Variants in SLC15A5 observed in about 807,000 individuals in gnomAD.
SLC15A5 encodes the protein solute carrier family 15 member 5.
SLC15A5 carries 58 observed loss-of-function variants against 56.1 expected under a neutral mutation model. The ratio of observed to expected loss-of-function variants is 1.03; its 90% CI spans 0.84 to 1.29. The LOEUF (loss-of-function observed/expected upper bound fraction) is 1.29, where lower values mean the gene tolerates loss of function less well. SLC15A5 is among the 50% of genes most tolerant of loss of function. The pLI, the probability that SLC15A5 is intolerant of heterozygous loss-of-function variation, is 0.00. For synonymous variants in SLC15A5, 264 were observed against 250.5 expected, an observed-to-expected ratio of 1.05 and a Z score of -0.51; for missense variants, 681 against 672.1, an observed-to-expected ratio of 1.01 and a Z score of -0.15.
chr12:16,205,052 C>T (rs929208450), intron 7 of SLC15A5, among the ~76,000 whole-genome samples: 1 of 151,826 alleles, frequency 6.6e-6, no homozygotes, highest in Non-Finnish European at 1.5e-5. Context: ...TCACAATATT[C>T]TTAAAGTATC....
chr12:16,218,795 A>G (rs1311800106), intron 6 of SLC15A5, among the ~76,000 whole-genome samples: 1 of 152,172 alleles, frequency 6.6e-6, no homozygotes, highest in Admixed American at 6.5e-5. Context: ...ATGAGAAGTA[A>G]GAGATCTTAT....
intron 6 of SLC15A5, among the ~76,000 whole-genome samples, chr12:16,221,714 G>T (rs933905772): frequency 6.6e-6 from 1 of 152,202 alleles, no homozygotes; most frequent in Non-Finnish European, 1.5e-5. Flanking sequence ...GGACTCATGG[G>T]GCAGGAGAGG....
At chr12:16,199,613 C>T (rs1592107384) in intron 7 of SLC15A5, among the ~76,000 whole-genome samples, 1 of 152,048 alleles carries the variant, frequency 6.6e-6, no homozygotes, top group East Asian at 1.9e-4. Flanking sequence ...CATGGAATCA[C>T]AGGACAAGAA....
At chr12:16,263,398 G>A (rs61916970) in intron 2 of SLC15A5, among the ~76,000 whole-genome samples, 26,633 of 152,052 alleles carry the variant, frequency 0.18, 2,618 homozygotes, top group Non-Finnish European at 0.22. Context: ...GCATTCAAGC[G>A]GTGACTTGGG....
intron 8 of SLC15A5, among the ~76,000 whole-genome samples, chr12:16,193,227 A>G (rs900667314): frequency 6.6e-6 from 1 of 152,098 alleles, no homozygotes; most frequent in African/African-American, 2.4e-5. Context: ...TAAGAATGAG[A>G]TCAGCATTTA....
At position 16,239,864 on chromosome 12, in the gene SLC15A5, G is replaced by A; in HGVS notation, c.979C>T (p.Pro327Ser). ...LLYRMCIMQI[P>S]SGYYLQTMNS... is the part of the protein sequence containing the mutation. ...ATAGTTTGCAGATAATATCCTGAAG[G>A]AATCTGTATTCGAGAGGGAAACATC... Residue 327 changes from proline to serine, a missense_variant, in exon 5 of 9, where the codon CCT becomes TCT. Coordinates refer to ENST00000344941, the MANE Select transcript of SLC15A5 (RefSeq NM_001170798.1). 7 of 1,536,380 alleles carry A rather than the reference G, an allele frequency of 4.6e-6. No homozygotes were observed. The highest frequency in any genetic ancestry group is 5.2e-6 in the Non-Finnish European group (6 of 1,146,478).
intron 2 of SLC15A5, among the ~76,000 whole-genome samples, chr12:16,260,994 TA>T (rs1864638151): frequency 6.6e-6 from 1 of 152,184 alleles, no homozygotes. Context: ...TCTGTTCCAC[TA>T]ATCTATCCTT....
chr12:16,230,922 C>CA (rs35415868), intron 5 of SLC15A5, among the ~76,000 whole-genome samples: 79,963 of 145,746 alleles, frequency 0.55, 21,544 homozygotes, highest in South Asian at 0.74. Context: ...GACTCCGTCT[C>CA]AAAAAAAAAA....
chr12:16,218,790 A>T (rs1221876205), intron 6 of SLC15A5, among the ~76,000 whole-genome samples: 1 of 152,142 alleles, frequency 6.6e-6, no homozygotes, highest in African/African-American at 2.4e-5. Context: ...TCTCTATGAG[A>T]AGTAAGAGAT....
At chr12:16,216,456 A>G (rs556647922) in intron 7 of SLC15A5, among the ~76,000 whole-genome samples, 2 of 152,192 alleles carry the variant, frequency 1.3e-5, no homozygotes, top group Non-Finnish European at 2.9e-5. Flanking sequence ...ATCATTTATT[A>G]TTCAATTCAC....
intron 7 of SLC15A5, among the ~76,000 whole-genome samples, chr12:16,208,676 C>T (rs939004872): frequency 1.3e-5 from 2 of 152,004 alleles, no homozygotes; most frequent in African/African-American, 2.4e-5. Flanking sequence ...CTAAAAAACC[C>T]CCCAAAATAA....
At chr12:16,262,304 T>A (rs1398440326) in intron 2 of SLC15A5, among the ~76,000 whole-genome samples, 1 of 152,194 alleles carries the variant, frequency 6.6e-6, no homozygotes, top group Non-Finnish European at 1.5e-5. Context: ...GAAATTACCT[T>A]TCATTCCTCT....
At chr12:16,204,402 C>T (rs1863992856) in intron 7 of SLC15A5, among the ~76,000 whole-genome samples, 1 of 149,710 alleles carries the variant, frequency 6.7e-6, no homozygotes, top group African/African-American at 2.5e-5. Context: ...GGTTGCAGCA[C>T]TCCAACCTAG....
At position 16,189,548 on chromosome 12, in the gene SLC15A5, T is replaced by C; in HGVS notation, c.*120A>G. 1.3e-6 allele frequency: 1 copy of C among 783,474 alleles called. No individual in the cohort carries two copies. Among genetic ancestry groups the C allele is most frequent in the Non-Finnish European group, 1.8e-6 (1 of 569,100 alleles). 48.5% of individuals were successfully genotyped at this position (783,474 alleles called of 1,614,324 possible). ...AGTCTTTGTAAATAAAGTATACAGA[T>C]GATATTTGTAAAATCACCTCTGTAT... On this transcript the variant is annotated 3_prime_UTR_variant, in exon 9 of 9. Transcript: ENST00000344941.
In SLC15A5 at chr12:16,237,140, A is replaced by G. The variant is rs1217897620; in HGVS notation, c.1162+2541T>C. Among the ~76,000 whole-genome samples the G allele has an allele frequency of 6.6e-6, 1 of 152,194 alleles. No individual in the cohort carries two copies. Among genetic ancestry groups the G allele is most frequent in the East Asian group, 1.9e-4 (1 of 5,198 alleles). On this transcript the variant is annotated intron_variant, in intron 5 of 8. Coordinates refer to ENST00000344941, the MANE Select transcript of SLC15A5 (RefSeq NM_001170798.1). The surrounding 1 kb of genome is among the most constrained non-coding windows in gnomAD (Gnocchi z 4.1). ...GGCACTTGAGTTCAAAGTGAAAGGT[A>G]ACTTTAATATTAGACTAATTCAGTT...
Position 16,244,598 on chromosome 12 carries a change from G to C in SLC15A5, c.957C>G (p.Tyr319Ter). The C allele has an allele frequency of 6.5e-7, 1 of 1,537,742 alleles. No homozygotes were observed. Among genetic ancestry groups the C allele is most frequent in the African/African-American group, 1.4e-5 (1 of 73,138 alleles). Residue 319 changes from tyrosine (Y) to a stop codon, truncating the protein, a stop_gained, in exon 4 of 9, where the codon TAC becomes TAG. Coordinates refer to ENST00000344941, the MANE Select transcript of SLC15A5 (RefSeq NM_001170798.1). LOFTEE classifies it high-confidence loss of function. The stretch of plus-strand genomic sequence containing the variant: ...TCCTTACCTGCATAATGCACATTCT[G>C]TATAGGAGCTGAAAAATGAAGAGAG... ...LLPLFIFQLLYRMCIMQIPSG... is the reference protein window; with the variant it reads ...LLPLFIFQLL
intron 6 of SLC15A5, 136 bp from the exon 7 acceptor site, chr12:16,217,160 G>A: frequency 1.2e-6 from 1 of 840,796 alleles, no homozygotes; most frequent in South Asian, 2.0e-5. Context: ...CTTTGTTAAG[G>A]TTACTATAGT....
rs1352640156 is a variant in SLC15A5 at position 16,272,762 on chromosome 12, AC to A, written c.382del (p.Val128TrpfsTer30). 2 of 1,537,018 alleles carry A rather than the reference AC, an allele frequency of 1.3e-6. No homozygotes were observed. Among genetic ancestry groups the A allele is most frequent in the African/African-American group, 1.4e-5 (1 of 72,988 alleles). ...ATAGAAATCTTCCAAGGGAAAAGCC[AC>A]CACAGATAACAAAGCAGTGCCTGTA... ...HFLGTALLSV[V>X]AFPLEDFYLG... On this transcript the variant is annotated frameshift_variant, in exon 2 of 9. Transcript: ENST00000344941. LOFTEE classifies it high-confidence loss of function.
chr12:16,189,731 C>G lies in SLC15A5; in HGVS notation c.1677G>C (p.Leu559=). ...ATTCCTGTATACTGCCATAAAATTT[C>G]AGAGATTTTTCGTGGAGGAGAAGTG... ...EETLLLHEKS[L]KFYGSIQEFS... The change falls in exon 9 of 9, where the codon CTG becomes CTC. Residue 559 remains leucine (L), a synonymous_variant. Coordinates refer to ENST00000344941, the MANE Select transcript of SLC15A5 (RefSeq NM_001170798.1). 1 of 1,530,066 alleles carries G rather than the reference C, an allele frequency of 6.5e-7. No homozygotes were observed. Among genetic ancestry groups the G allele is most frequent in the Non-Finnish European group, 8.7e-7 (1 of 1,143,200 alleles). The allele number at this position is 1,530,066 out of a possible 1,614,324, so 94.8% of individuals were successfully genotyped here.
Sources: gnomAD v4.1 joint callset for allele counts (sites outside exome capture counted in the v4.1 genomes callset) on GRCh38, gnomAD v4.1.1 for gene constraint, Gnocchi (gnomAD v3.1) non-coding constraint, MANE v1.5 for transcripts, NCBI Gene and HGNC (gene_info 2026-07-23, HGNC 2026-07-21) for gene names.